Variants in CPQ observed in about 807,000 individuals in gnomAD.
CPQ encodes Ser-Met dipeptidase.
Under a neutral mutation model 45.7 loss-of-function variants are expected in CPQ, and 37 were observed. The observed-to-expected ratio is 0.81, with a 90% CI of 0.62 to 1.07. CPQ has a LOEUF of 1.07. Ranked by LOEUF, CPQ falls within the 50% of genes least tolerant of loss-of-function variation. The pLI, the probability that CPQ is intolerant of heterozygous loss-of-function variation, is 0.00. For synonymous variants in CPQ, 186 were observed against 205.8 expected, an observed-to-expected ratio of 0.90 and a Z score of 0.82; for missense variants, 537 against 572.9, an observed-to-expected ratio of 0.94 and a Z score of 0.64.
intron 4 of CPQ, among the ~76,000 whole-genome samples, chr8:96,912,013 C>T (rs959567242): frequency 6.6e-6 from 1 of 152,118 alleles, no homozygotes; most frequent in Non-Finnish European, 1.5e-5. Context: ...TAACGGTGCC[C>T]ACCCATTAGC....
intron 3 of CPQ, among the ~76,000 whole-genome samples, chr8:96,875,721 G>A (rs1282986795): frequency 6.6e-6 from 1 of 151,692 alleles, no homozygotes; most frequent in African/African-American, 2.4e-5. Context: ...TTTTAAATAT[G>A]GAAGTATGAG....
chr8:96,870,874 C>G (rs1812059051), intron 3 of CPQ, among the ~76,000 whole-genome samples: 1 of 151,852 alleles, frequency 6.6e-6, no homozygotes, highest in Non-Finnish European at 1.5e-5. Flanking sequence ...TGAGGGATCA[C>G]TACATATTTG....
intron 5 of CPQ, among the ~76,000 whole-genome samples, chr8:96,996,243 G>A (rs1809176625): frequency 6.6e-6 from 1 of 152,026 alleles, no homozygotes; most frequent in Non-Finnish European, 1.5e-5. Context: ...GTAAGAATGA[G>A]AAGAGAGAAC....
intron 7 of CPQ, among the ~76,000 whole-genome samples, chr8:97,082,047 C>T (rs906598488): frequency 1.3e-5 from 2 of 152,132 alleles, no homozygotes; most frequent in African/African-American, 4.8e-5. Flanking sequence ...AGTCTAGATT[C>T]CTACAGTACT....
At chr8:96,972,158 T>C (rs1156991526) in intron 5 of CPQ, among the ~76,000 whole-genome samples, 1 of 152,194 alleles carries the variant, frequency 6.6e-6, no homozygotes, top group Non-Finnish European at 1.5e-5. Flanking sequence ...AGTGCTGTTA[T>C]GGGGGCACTG....
At chr8:96,763,221 A>C (rs1226975008) in intron 1 of CPQ, among the ~76,000 whole-genome samples, 1 of 152,188 alleles carries the variant, frequency 6.6e-6, no homozygotes, top group Non-Finnish European at 1.5e-5. Context: ...ATTCTGAGGT[A>C]CTGGAAGTCA....
chr8:97,132,876 G>A (rs1389274192), intron 7 of CPQ: 1 of 152,228 alleles, frequency 6.6e-6, no homozygotes, highest in Non-Finnish European at 1.5e-5. Flanking sequence ...CATGAAAAGA[G>A]AGTGGGCAAT....
At chr8:96,685,409 TG>T (rs1189637149) in intron 1 of CPQ, among the ~76,000 whole-genome samples, 1 of 152,064 alleles carries the variant, frequency 6.6e-6, no homozygotes, top group Admixed American at 6.5e-5. Context: ...TGGTGTAAGG[TG>T]TGTTATATAT....
chr8:96,840,925 T>C (rs1234479788), intron 3 of CPQ, among the ~76,000 whole-genome samples: 3 of 152,210 alleles, frequency 2.0e-5, no homozygotes, highest in African/African-American at 2.4e-5. Context: ...TTTGGTGATA[T>C]ATCTTGTATG....
At chr8:96,798,510 T>G (rs1810965153) in intron 2 of CPQ, among the ~76,000 whole-genome samples, 1 of 152,086 alleles carries the variant, frequency 6.6e-6, no homozygotes, top group Non-Finnish European at 1.5e-5. Flanking sequence ...CCTTAAGTGA[T>G]ATGATGCAGT....
chr8:97,079,133 A>T (rs1810905483), intron 7 of CPQ, among the ~76,000 whole-genome samples: 1 of 152,146 alleles, frequency 6.6e-6, no homozygotes, highest in South Asian at 2.1e-4. Flanking sequence ...TAAAACCTCC[A>T]CTATTGATTT....
intron 3 of CPQ, among the ~76,000 whole-genome samples, chr8:96,836,988 A>G (rs1405156170): frequency 1.3e-5 from 2 of 152,132 alleles, no homozygotes; most frequent in African/African-American, 4.8e-5. Context: ...TTCTTTCAAC[A>G]TTTATAAATA....
chr8:96,968,595 T>C lies in CPQ; in HGVS notation c.961+2549T>C, dbSNP rs1813609942. The stretch of plus-strand genomic sequence containing the variant: ...TGAAAGCTCTGTGGCAATCTCTTTT[T>C]CCAAGAAAAATGAGACTCCTTTTGG... On this transcript the variant is annotated intron_variant, in intron 5 of 7. Coordinates refer to ENST00000220763, the MANE Select transcript of CPQ (RefSeq NM_016134.4). Among the ~76,000 whole-genome samples, 3 of 152,352 alleles carry C rather than the reference T, an allele frequency of 2.0e-5. No homozygotes were observed. The South Asian group carries it at 6.2e-4, about 32-fold the overall frequency.
intron 1 of CPQ, among the ~76,000 whole-genome samples, chr8:96,748,018 T>G (rs1810212527): frequency 6.6e-6 from 1 of 152,248 alleles, no homozygotes; most frequent in Non-Finnish European, 1.5e-5. Context: ...GTCAGAGCCT[T>G]TAGTGATTTT....
At chr8:97,014,279 A>G (rs902615808) in intron 5 of CPQ, among the ~76,000 whole-genome samples, 1 of 152,212 alleles carries the variant, frequency 6.6e-6, no homozygotes, top group African/African-American at 2.4e-5. Context: ...CTTTAGCAAG[A>G]GTATTCAGCA....
rs147729206 is a variant in CPQ at position 96,766,313 on chromosome 8, T to C, written c.-34-18551T>C. ...GAGCACACTACACAGAGGAGACTTT[T>C]GGAGGGTTTTTAGTTGTCATCTCTG... On this transcript the variant is annotated intron_variant, in intron 1 of 7. Transcript: ENST00000220763. 3.5e-4 allele frequency among the ~76,000 whole-genome samples: 53 copies of C among 152,270 alleles called. 1 individual carries two copies. The East Asian group carries it at 5.8e-3, about 17-fold the overall frequency.
intron 5 of CPQ, among the ~76,000 whole-genome samples, chr8:97,026,117 G>A (rs778809765): frequency 3.3e-5 from 5 of 152,102 alleles, no homozygotes; most frequent in African/African-American, 7.2e-5. Context: ...CTAAGGAAGC[G>A]GTCTGAGGAC....
chr8:96,755,406 G>A (rs1237321626), intron 1 of CPQ, among the ~76,000 whole-genome samples: 1 of 151,636 alleles, frequency 6.6e-6, no homozygotes, highest in Non-Finnish European at 1.5e-5. Context: ...TTTTAAAATA[G>A]AATTTGCTAT....
At chr8:97,136,851 C>T (rs1004025376) in intron 7 of CPQ, among the ~76,000 whole-genome samples, 1 of 152,290 alleles carries the variant, frequency 6.6e-6, no homozygotes, top group African/African-American at 2.4e-5. Context: ...GTCAGAAGAT[C>T]CTATGCAATT....
Sources: allele counts gnomAD v4.1 joint callset (sites outside exome capture counted in the v4.1 genomes callset), GRCh38; gene constraint gnomAD v4.1.1; transcripts MANE v1.5; gene names NCBI Gene and HGNC (gene_info 2026-07-23, HGNC 2026-07-21).